CTCFL: variants seen among roughly 807,000 people sequenced by gnomAD.
CTCFL encodes the protein transcriptional repressor CTCFL.
In CTCFL, 36 loss-of-function variants were observed where a neutral mutation model predicts 67.4. That is an observed-to-expected ratio of 0.53 (90% CI 0.41 to 0.71). The LOEUF (loss-of-function observed/expected upper bound fraction) is 0.71. CTCFL is among the 30% of genes least tolerant of loss of function. The pLI is 0.00. For missense variants in CTCFL, 786 were observed against 835.2 expected (o/e 0.94, Z 0.73); for synonymous variants, 324 against 302.3 (o/e 1.07, Z -0.75).
chr20:57,523,604 A>G, intron 2 of CTCFL, 59 bp downstream of exon 2: 2 of 1,556,246 alleles, frequency 1.3e-6, no homozygotes, highest in Non-Finnish European at 1.7e-6. Context: ...TATTGCATAA[A>G]AGCCGACTTG....
intron 9 of CTCFL, among the ~76,000 whole-genome samples, chr20:57,506,130 C>A (rs1455086839): frequency 6.6e-6 from 1 of 152,204 alleles, no homozygotes; most frequent in Non-Finnish European, 1.5e-5. Flanking sequence ...TACTGGAACA[C>A]AGCCATGTCT....
At chr20:57,510,068 C>A (rs2068453003) in intron 8 of CTCFL, among the ~76,000 whole-genome samples, 1 of 152,232 alleles carries the variant, frequency 6.6e-6, no homozygotes, top group African/African-American at 2.4e-5. Flanking sequence ...TCAAAATCTA[C>A]CAGAAAAACT....
At chr20:57,506,636 C>G in intron 9 of CTCFL, 1 of 250,902 alleles carries the variant, frequency 4.0e-6, no homozygotes, top group Non-Finnish European at 6.3e-6. Context: ...GGGTATCTGT[C>G]TATTTACTGA....
In CTCFL at chr20:57,523,657, C is replaced by T; in HGVS notation, c.543+6G>A. 6.2e-7 allele frequency: 1 copy of T among 1,609,592 alleles called. No homozygotes were observed. Among genetic ancestry groups the T allele is most frequent in the African/African-American group, 1.3e-5 (1 of 74,988 alleles). On this transcript the variant is annotated splice_donor_region_variant and intron_variant, in intron 2 of 10. Coordinates refer to ENST00000243914, the MANE Select transcript of CTCFL (RefSeq NM_001386993.1). Reference sequence around the variant, plus strand: ...GTAAGGGGTTGTTTATTAAAACCAGCTGTACCTTGATCAGTCCAGTAGTTT... The same window carrying T: ...GTAAGGGGTTGTTTATTAAAACCAGTTGTACCTTGATCAGTCCAGTAGTTT...
intron 6 of CTCFL, 97 bp downstream of exon 6, chr20:57,515,617 C>T: frequency 6.6e-7 from 1 of 1,526,220 alleles, no homozygotes; most frequent in East Asian, 2.3e-5. Flanking sequence ...CCACTTTTAC[C>T]TTTGAACTTT....
At chr20:57,503,203 G>C (rs930451863) in intron 10 of CTCFL, among the ~76,000 whole-genome samples, 1 of 152,242 alleles carries the variant, frequency 6.6e-6, no homozygotes, top group African/African-American at 2.4e-5. Flanking sequence ...CGATGGAAGA[G>C]GGCTCCTCGG....
chr20:57,523,570 G>T, intron 2 of CTCFL, 93 bp downstream of exon 2: 1 of 1,500,636 alleles, frequency 6.7e-7, no homozygotes. Flanking sequence ...ATTTGCAACT[G>T]CAAAATACCT....
intron 10 of CTCFL, among the ~76,000 whole-genome samples, chr20:57,499,259 G>GCAGGA (rs2067802044): frequency 6.6e-6 from 1 of 152,146 alleles, no homozygotes; most frequent in African/African-American, 2.4e-5. Flanking sequence ...CCAGTTGCCT[G>GCAGGA]CAGGACATTT....
chr20:57,498,281 T>G lies in CTCFL; in HGVS notation c.*269A>C. On this transcript the variant is annotated 3_prime_UTR_variant, in exon 11 of 11. Transcript: ENST00000243914. ...AGGTTTAAAACTTTTATAAAATACC[T>G]GCAATGTTTCTTTGAAATATCCAGC... 9.0e-7 allele frequency: 1 copy of G among 1,105,862 alleles called. No individual in the cohort carries two copies. The highest frequency in any genetic ancestry group is 1.1e-6 in the Non-Finnish European group (1 of 906,924). 68.5% of individuals were successfully genotyped at this position (1,105,862 alleles called of 1,614,324 possible). A position where few individuals can be genotyped will look rare whatever the true frequency, so the allele number is the denominator to read the frequency against.
At chr20:57,515,583 T>G in intron 6 of CTCFL, 131 bp downstream of exon 6, 2 of 1,130,312 alleles carry the variant, frequency 1.8e-6, no homozygotes, top group Non-Finnish European at 2.6e-6. Context: ...TCAAGATTCT[T>G]TTATCATGAA....
Position 57,524,054 on chromosome 20 carries a change from C to T in CTCFL, c.152G>A (p.Arg51His), listed in dbSNP as rs147244405. ...HRSPSELEAE[R>H]TSGAFQDSVL... ...GCTGTCCTGGAAGGCCCCAGAGGTA[C>T]GCTCGGCCTCCAACTCACTAGGGCT... Residue 51 changes from arginine (R) to histidine (H), a missense_variant, in exon 2 of 11, where the codon CGT (arginine) becomes CAT (histidine). Coordinates refer to ENST00000243914, the MANE Select transcript of CTCFL (RefSeq NM_001386993.1). 2.1e-3 allele frequency: 3,400 copies of T among 1,613,658 alleles called. 7 individuals carry two copies. Among genetic ancestry groups the T allele is most frequent in the Non-Finnish European group, 2.6e-3 (3,088 of 1,179,984 alleles).
intron 1 of CTCFL, 126 bp from the exon 2 acceptor site, chr20:57,524,342 G>C: frequency 6.7e-7 from 1 of 1,490,218 alleles, no homozygotes; most frequent in Non-Finnish European, 8.8e-7. Flanking sequence ...AAAAGGTTTT[G>C]GACTTAGTAG....
Position 57,497,708 on chromosome 20 carries a change from T to TCTCA in CTCFL, c.*838_*841dup. On this transcript the variant is annotated 3_prime_UTR_variant, in exon 11 of 11. Coordinates refer to ENST00000243914, the MANE Select transcript of CTCFL (RefSeq NM_001386993.1). ...TTGCCTTATCTGATTTTATGTTTCTTCTCACTCTGCCAATTATTTTACAAA... is the reference window on the plus strand; with the variant it reads ...TTGCCTTATCTGATTTTATGTTTCTTCTCACTCACTCTGCCAATTATTTTACAAA... The TCTCA allele has an allele frequency of 1.0e-6, 1 of 985,374 alleles. No individual in the cohort carries two copies. The highest frequency in any genetic ancestry group is 1.2e-6 in the Non-Finnish European group (1 of 829,850). The allele number at this position is 985,374 out of a possible 1,614,324, so 61.0% of individuals were successfully genotyped here.
chr20:57,519,433 C>G, intron 3 of CTCFL, 56 bp from the exon 4 acceptor site: 1 of 1,488,532 alleles, frequency 6.7e-7, no homozygotes, highest in Non-Finnish European at 9.3e-7. Context: ...CATTTAAATA[C>G]TTGAAAGTAA....
Position 57,519,359 on chromosome 20 carries a change from T to C in CTCFL, c.773A>G (p.His258Arg). The C allele has an allele frequency of 1.2e-6, 2 of 1,614,030 alleles. No homozygotes were observed. Among genetic ancestry groups the C allele is most frequent in the Non-Finnish European group, 8.5e-7 (1 of 1,179,956 alleles). The change falls in exon 4 of 11, where the codon CAC becomes CGC. Residue 258 changes from histidine to arginine, a missense_variant. Physicochemically the swap from His to Arg is conservative, Grantham distance 29 (BLOSUM62 0). Around this residue, in one of 3 missense-constraint regions of CTCFL, gnomAD observed 333 missense variants for 304.6 expected, o/e 1.09. Coordinates refer to ENST00000243914, the MANE Select transcript of CTCFL (RefSeq NM_001386993.1). ...AGAGGTGAACATGCAGACATCACAGTGGAAGGTTCCTTTTGCTCCTATAGG... is the reference window on the plus strand; with the variant it reads ...AGAGGTGAACATGCAGACATCACAGCGGAAGGTTCCTTTTGCTCCTATAGG... Reference protein sequence around the residue: ...RKTKGAKGTFHCDVCMFTSSR... With the variant: ...RKTKGAKGTFRCDVCMFTSSR...
At chr20:57,500,796 T>C (rs540462875) in intron 10 of CTCFL, among the ~76,000 whole-genome samples, 71 of 152,282 alleles carry the variant, frequency 4.7e-4, no homozygotes, top group African/African-American at 1.6e-3. Flanking sequence ...CCCCAAATCA[T>C]TTGGTCTTCT....
At chr20:57,522,583 C>T (rs751309315) in intron 3 of CTCFL, among the ~76,000 whole-genome samples, 1 of 152,186 alleles carries the variant, frequency 6.6e-6, no homozygotes, top group Non-Finnish European at 1.5e-5. Flanking sequence ...TCCAGAGCTA[C>T]ACGCCCAGAC....
At chr20:57,518,600 C>T in intron 5 of CTCFL, 158 bp downstream of exon 5, 1 of 1,503,190 alleles carries the variant, frequency 6.7e-7, no homozygotes, top group Non-Finnish European at 9.0e-7. Context: ...TCTATTTTAA[C>T]TTCATAAAAG....
At chr20:57,501,990 T>C (rs967240278) in intron 10 of CTCFL, among the ~76,000 whole-genome samples, 1 of 152,210 alleles carries the variant, frequency 6.6e-6, no homozygotes, top group Non-Finnish European at 1.5e-5. Context: ...GGGACTTGCA[T>C]GAGCTCAGTG....
Sources: allele counts gnomAD v4.1 joint callset (sites outside exome capture counted in the v4.1 genomes callset), GRCh38; gene constraint gnomAD v4.1.1; regional missense constraint gnomAD v4.1.1; transcripts MANE v1.5; gene names NCBI Gene and HGNC (gene_info 2026-07-23, HGNC 2026-07-21).